APC: variants seen among roughly 807,000 people sequenced by gnomAD.
APC encodes the protein APC regulator of Wnt signaling pathway.
APC carries 72 observed loss-of-function variants against 247.0 expected under a neutral mutation model. The observed-to-expected ratio is 0.29, with a 90% CI of 0.24 to 0.35. The LOEUF (loss-of-function observed/expected upper bound fraction) is 0.35. Ranked by LOEUF, APC falls within the 10% of genes least tolerant of loss-of-function variation. APC has a pLI of 1.00. For synonymous variants in APC, 1,254 were observed against 1,162.5 expected (o/e 1.08, Z -1.60); for missense variants, 3,400 against 3,360.7 (o/e 1.01, Z -0.29).
intron 6 of APC, among the ~76,000 whole-genome samples, chr5:112,788,711 A>G (rs940940774): frequency 7.9e-5 from 12 of 152,176 alleles, no homozygotes; most frequent in African/African-American, 2.9e-4. Flanking sequence ...AGTTATTCCT[A>G]GATATGTTAC....
At chr5:112,726,297 G>T (rs1334968533) in intron 1 of APC, among the ~76,000 whole-genome samples, 1 of 152,196 alleles carries the variant, frequency 6.6e-6, no homozygotes, top group African/African-American at 2.4e-5. Context: ...TGAATGCATG[G>T]GTTTTATCGA....
At chr5:112,819,773 A>G (rs1762928030) in intron 10 of APC, among the ~76,000 whole-genome samples, 1 of 152,182 alleles carries the variant, frequency 6.6e-6, no homozygotes, top group Admixed American at 6.5e-5. Context: ...GCAGCGTTAC[A>G]TCTGTTATGT....
intron 9 of APC, among the ~76,000 whole-genome samples, chr5:112,818,745 C>T (rs1014018107): frequency 2.0e-5 from 3 of 150,482 alleles, no homozygotes; most frequent in African/African-American, 7.3e-5. Context: ...ACCACTCATA[C>T]TATTTACTCA....
In APC at chr5:112,841,383, A is replaced by G. The variant is rs879254254; in HGVS notation, c.5789A>G (p.Gln1930Arg). Residue 1930 changes from glutamine (Q) to arginine (R), a missense_variant, in exon 16 of 16, where the codon CAA becomes CGA. This residue lies in a region of APC where 1,788 missense variants were observed against 1,649.5 expected (regional missense o/e 1.08). Transcript: ENST00000257430. This position sits in a 1 kb window ranked among gnomAD's most constrained non-coding sequence, Gnocchi z 4.6. ...RGQPKPILQK[Q>R]STFPQSSKDI... ...CAGCCTAAACCCATACTTCAGAAAC[A>G]ATCCACTTTTCCCCAGTCATCCAAA... is the stretch of plus-strand genomic sequence containing the variant. 3 of 1,613,758 alleles carry G rather than the reference A, an allele frequency of 1.9e-6. No homozygotes were observed. Among genetic ancestry groups the G allele is most frequent in the Non-Finnish European group, 2.5e-6 (3 of 1,179,696 alleles).
intron 6 of APC, among the ~76,000 whole-genome samples, chr5:112,790,545 G>A (rs1365719321): frequency 6.6e-6 from 1 of 152,070 alleles, no homozygotes; most frequent in Non-Finnish European, 1.5e-5. Flanking sequence ...TGGCCAGAGT[G>A]GTCTCAATCT....
At position 112,797,139 on chromosome 5, in the gene APC, C is replaced by T. The variant is rs534912788; in HGVS notation, c.730-4140C>T. ...AGGGCAGACTGTCTGCTACTATGATCCAACCTCTTATTGCTTCCTTTTGTT... is the reference window on the plus strand; with the variant it reads ...AGGGCAGACTGTCTGCTACTATGATTCAACCTCTTATTGCTTCCTTTTGTT... On this transcript the variant is annotated intron_variant, in intron 7 of 15. Transcript: ENST00000257430. Among the ~76,000 whole-genome samples, 124 of 152,240 alleles carry T rather than the reference C, an allele frequency of 8.1e-4. 1 individual carries two copies. Among genetic ancestry groups the T allele is most frequent in the African/African-American group, 2.8e-3 (116 of 41,564 alleles).
intron 9 of APC, among the ~76,000 whole-genome samples, chr5:112,816,130 G>T (rs1762488898): frequency 6.6e-6 from 1 of 152,088 alleles, no homozygotes; most frequent in African/African-American, 2.4e-5. Context: ...TTCCTTGCCT[G>T]CATTGGTGGG....
chr5:112,709,906 A>C (rs1750751270), intron 1 of APC, among the ~76,000 whole-genome samples: 1 of 152,108 alleles, frequency 6.6e-6, no homozygotes, highest in Admixed American at 6.5e-5. Flanking sequence ...CTGTCTCCTA[A>C]CAAACAAACA....
Position 112,845,655 on chromosome 5 carries a change from A to T in APC, c.*1529A>T, listed in dbSNP as rs764894873. The T allele has an allele frequency of 4.3e-6, 1 of 231,992 alleles. No individual in the cohort carries two copies. The highest frequency in any genetic ancestry group is 8.5e-6 in the Non-Finnish European group (1 of 117,344). 14.4% of individuals were successfully genotyped at this position (231,992 alleles called of 1,614,324 possible). On this transcript the variant is annotated 3_prime_UTR_variant, in exon 16 of 16. Transcript: ENST00000257430. Reference sequence around the variant, plus strand: ...AGGAAACTTTATTTGTGGTAGGTACAGTTCTGGGGTACATGTTAAGTGTCC... The same window carrying T: ...AGGAAACTTTATTTGTGGTAGGTACTGTTCTGGGGTACATGTTAAGTGTCC...
intron 2 of APC, 124 bp downstream of exon 2, chr5:112,755,149 T>C: frequency 7.3e-7 from 1 of 1,363,142 alleles, no homozygotes; most frequent in Non-Finnish European, 9.9e-7. Flanking sequence ...ATGTAAACTC[T>C]TTCTTGCAAA....
At chr5:112,760,999 C>T (rs1051126508) in intron 2 of APC, among the ~76,000 whole-genome samples, 2 of 151,956 alleles carry the variant, frequency 1.3e-5, no homozygotes, top group Non-Finnish European at 2.9e-5. Flanking sequence ...TTAGTAGAGA[C>T]GGGGTTTCAC....
At position 112,775,611 on chromosome 5, in the gene APC, T is replaced by TA. The variant is rs1757538869; in HGVS notation, c.423-18_423-17insA. The TA allele has an allele frequency of 6.0e-6, 9 of 1,495,368 alleles. No individual in the cohort carries two copies. Among genetic ancestry groups the TA allele is most frequent in the Admixed American group, 1.7e-5 (1 of 58,138 alleles). The allele number at this position is 1,495,368 out of a possible 1,614,324, so 92.6% of individuals were successfully genotyped here. Reference sequence around the variant, plus strand: ...TAGCATTGTTTAAACGTACCTTTTTTTAAAAAAAAAAAAATAGGTCATTGC... The same window carrying TA: ...TAGCATTGTTTAAACGTACCTTTTTTATAAAAAAAAAAAAATAGGTCATTGC... On this transcript the variant is annotated splice_polypyrimidine_tract_variant and intron_variant, in intron 4 of 15. Transcript: ENST00000257430.
chr5:112,810,220 A>G, intron 8 of APC: 1 of 451,012 alleles, frequency 2.2e-6, no homozygotes. Flanking sequence ...GGAGAGAGAA[A>G]GGATCCAGAG....
At chr5:112,791,209 T>C (rs1377727698) in intron 6 of APC, among the ~76,000 whole-genome samples, 1 of 152,132 alleles carries the variant, frequency 6.6e-6, no homozygotes, top group Admixed American at 6.6e-5. Context: ...TTCCATGTGG[T>C]TCAATCTGTA....
rs753003333 is a variant in APC at position 112,844,117 on chromosome 5, A to G, written c.8523A>G (p.Thr2841=). 3 of 1,611,568 alleles carry G rather than the reference A, an allele frequency of 1.9e-6. No individual in the cohort carries two copies. The highest frequency in any genetic ancestry group is 2.2e-5 in the East Asian group (1 of 44,876). Residue 2841 remains threonine (T), a synonymous_variant, in exon 16 of 16, where the codon ACA becomes ACG. Coordinates refer to ENST00000257430, the MANE Select transcript of APC (RefSeq NM_000038.6). ...PKRHSGSYLV[T]SV ...GCCATTCTGGGTCTTACCTTGTGACATCTGTTTAAAAGAGAGGAAGAATGA... is the reference window on the plus strand; with the variant it reads ...GCCATTCTGGGTCTTACCTTGTGACGTCTGTTTAAAAGAGAGGAAGAATGA...
At chr5:112,786,016 T>C (rs2149662631) in intron 6 of APC, among the ~76,000 whole-genome samples, 1 of 152,194 alleles carries the variant, frequency 6.6e-6, no homozygotes, top group African/African-American at 2.4e-5. Flanking sequence ...TTATAACACA[T>C]AAAGGGGAAA....
At chr5:112,829,852 A>G (rs1438839925) in intron 14 of APC, 1 of 152,228 alleles carries the variant, frequency 6.6e-6, no homozygotes, top group Non-Finnish European at 1.5e-5. Flanking sequence ...GATCAGAGCC[A>G]AGGGTGAGGA....
upstream of APC, among the ~76,000 whole-genome samples, chr5:112,737,358 G>A (rs985693885): frequency 3.9e-5 from 6 of 152,190 alleles, no homozygotes; most frequent in African/African-American, 1.4e-4. Flanking sequence ...CTACTAAGCT[G>A]CTAGCATAGC....
At position 112,801,382 on chromosome 5, in the gene APC, A is replaced by G. The variant is rs1580455560; in HGVS notation, c.833A>G (p.Gln278Arg). The G allele has an allele frequency of 6.3e-7, 1 of 1,592,322 alleles. No homozygotes were observed. The highest frequency in any genetic ancestry group is 1.1e-5 in the South Asian group (1 of 89,192). ...AACATGGCAACTTCTGGTAATGGTCAGGTAAATAAATTATTTTATCATATT... is the reference window on the plus strand; with the variant it reads ...AACATGGCAACTTCTGGTAATGGTCGGGTAAATAAATTATTTTATCATATT... Reference protein sequence around the residue: ...EINMATSGNGQGSTTRMDHET... With the variant: ...EINMATSGNGRGSTTRMDHET... The change falls in exon 8 of 16, where the codon CAG becomes CGG. Residue 278 changes from glutamine to arginine, a missense_variant and splice_region_variant. This residue lies in a region of APC where 372 missense variants were observed against 367.6 expected (regional missense o/e 1.01). Transcript: ENST00000257430.
Sources: allele counts gnomAD v4.1 joint callset (sites outside exome capture counted in the v4.1 genomes callset), GRCh38; gene constraint gnomAD v4.1.1; regional missense constraint gnomAD v4.1.1; non-coding constraint Gnocchi (gnomAD v3.1); transcripts MANE v1.5; gene names NCBI Gene and HGNC (gene_info 2026-07-23, HGNC 2026-07-21).